The following PTPRD variants were observed in gnomAD, a reference collection of about 807,000 sequenced individuals.
The protein encoded by PTPRD is receptor-type tyrosine-protein phosphatase delta.
A neutral mutation model predicts 214.5 loss-of-function variants in PTPRD; 34 were observed. The ratio of observed to expected loss-of-function variants is 0.16; its 90% confidence interval spans 0.12 to 0.21. The LOEUF (loss-of-function observed/expected upper bound fraction) is 0.21. Among genes scored for constraint, PTPRD ranks in the 10% least tolerant of loss-of-function variants. The probability of loss-of-function intolerance (pLI) is 1.00; values close to 1 mark genes in which losing one functional copy is unlikely to be tolerated. For synonymous variants in PTPRD, 1,128 were observed against 845.7 expected (o/e 1.33, Z -5.79); for missense variants, 2,545 against 2,398.7 (o/e 1.06, Z -1.27).
chr9:10,011,175 C>A (rs2096591780), intron 4 of PTPRD, among the ~76,000 whole-genome samples: 1 of 151,870 alleles, frequency 6.6e-6, no homozygotes, highest in Admixed American at 6.6e-5. Flanking sequence ...GACTATTTTT[C>A]TTGGATTGGA....
chr9:8,914,845 G>A (rs1207152400), intron 11 of PTPRD, among the ~76,000 whole-genome samples: 1 of 152,062 alleles, frequency 6.6e-6, no homozygotes, highest in Non-Finnish European at 1.5e-5. Flanking sequence ...ACATTTACTG[G>A]ATTTTATTAT....
chr9:9,284,389 T>C (rs192753796), intron 9 of PTPRD, among the ~76,000 whole-genome samples: 1 of 151,832 alleles, frequency 6.6e-6, no homozygotes, highest in East Asian at 2.0e-4. Flanking sequence ...GTTGTAAGTT[T>C]TATTCTTCCT....
chr9:8,556,421 A>T (rs963663614), intron 14 of PTPRD, among the ~76,000 whole-genome samples: 1 of 152,216 alleles, frequency 6.6e-6, no homozygotes, highest in Non-Finnish European at 1.5e-5. Context: ...TCTGTGGCCA[A>T]TCATGGACTT....
chr9:9,627,417 C>T (rs1455503720), intron 7 of PTPRD, among the ~76,000 whole-genome samples: 1 of 152,168 alleles, frequency 6.6e-6, no homozygotes, highest in Non-Finnish European at 1.5e-5. Flanking sequence ...TAATTTGTTA[C>T]TTTGCTCTGA....
intron 8 of PTPRD, among the ~76,000 whole-genome samples, chr9:9,407,289 T>G (rs1353116993): frequency 6.6e-6 from 1 of 151,786 alleles, no homozygotes; most frequent in African/African-American, 2.4e-5. Flanking sequence ...CATTGCTGTG[T>G]AGAATTCTAA....
At chr9:8,919,327 A>AG (rs1409881607) in intron 11 of PTPRD, among the ~76,000 whole-genome samples, 13 of 147,830 alleles carry the variant, frequency 8.8e-5, no homozygotes, top group African/African-American at 3.3e-4. Context: ...TGGGGGGTGG[A>AG]GGTGCAGTGA....
chr9:10,596,837 G>C (rs1007105961), intron 2 of PTPRD, among the ~76,000 whole-genome samples: 1 of 151,560 alleles, frequency 6.6e-6, no homozygotes, highest in African/African-American at 2.4e-5. Flanking sequence ...TATTAGAATA[G>C]CATTTTGTTA....
chr9:10,209,824 A>T (rs2154340632), intron 3 of PTPRD, among the ~76,000 whole-genome samples: 1 of 152,300 alleles, frequency 6.6e-6, no homozygotes, highest in Admixed American at 6.5e-5. Context: ...CAAAAAAGGG[A>T]AATTTTAAAA....
At chr9:8,431,525 A>G (rs1394102817) in intron 35 of PTPRD, among the ~76,000 whole-genome samples, 1 of 152,182 alleles carries the variant, frequency 6.6e-6, no homozygotes, top group Non-Finnish European at 1.5e-5. Flanking sequence ...TCTAGTCTAA[A>G]TAAGATTTGT....
At chr9:8,727,276 T>C (rs2098595265) in intron 12 of PTPRD, among the ~76,000 whole-genome samples, 1 of 152,224 alleles carries the variant, frequency 6.6e-6, no homozygotes. Context: ...GTACACGTGT[T>C]GATTTTGTGA....
At chr9:8,822,831 C>T (rs1256954221) in intron 11 of PTPRD, among the ~76,000 whole-genome samples, 1 of 152,010 alleles carries the variant, frequency 6.6e-6, no homozygotes, top group Non-Finnish European at 1.5e-5. Context: ...CCCAAAACCA[C>T]CAGTGCTGCA....
intron 34 of PTPRD, among the ~76,000 whole-genome samples, chr9:8,447,480 A>C (rs2095777641): frequency 6.6e-6 from 1 of 152,214 alleles, no homozygotes; most frequent in Non-Finnish European, 1.5e-5. Context: ...GGAAAATTAA[A>C]TTGCTAATAG....
chr9:8,436,449 G>C, intron 35 of PTPRD, 143 bp downstream of exon 35: 1 of 593,502 alleles, frequency 1.7e-6, no homozygotes, highest in Non-Finnish European at 2.8e-6. Context: ...CTTTTAAGTT[G>C]ACGGTTCATT....
At chr9:10,126,546 C>A (rs1224210938) in intron 3 of PTPRD, among the ~76,000 whole-genome samples, 1 of 151,824 alleles carries the variant, frequency 6.6e-6, no homozygotes, top group East Asian at 1.9e-4. Context: ...GATATTTGAC[C>A]ACATCAATGT....
intron 10 of PTPRD, among the ~76,000 whole-genome samples, chr9:9,124,051 A>G (rs998275431): frequency 1.3e-5 from 2 of 152,166 alleles, no homozygotes; most frequent in Non-Finnish European, 2.9e-5. Flanking sequence ...ACTGCCTAGG[A>G]AGTTAATACC....
At chr9:8,512,693 A>G (rs1174551045) in intron 21 of PTPRD, among the ~76,000 whole-genome samples, 4 of 151,986 alleles carry the variant, frequency 2.6e-5, no homozygotes, top group African/African-American at 9.6e-5. Flanking sequence ...GAAGGCATAT[A>G]CTGTTAAAGG....
chr9:8,516,319 A>T (rs1428381077), intron 21 of PTPRD, among the ~76,000 whole-genome samples: 4 of 152,208 alleles, frequency 2.6e-5, no homozygotes, highest in Non-Finnish European at 4.4e-5. Context: ...AGATATATGG[A>T]TAGTTTTTAA....
At chr9:9,136,073 G>C (rs1171024894) in intron 10 of PTPRD, among the ~76,000 whole-genome samples, 1 of 152,054 alleles carries the variant, frequency 6.6e-6, no homozygotes, top group African/African-American at 2.4e-5. Context: ...TTTTGCTAAT[G>C]AAATATCTCA....
At chr9:10,252,238 A>G (rs2092841428) in intron 3 of PTPRD, among the ~76,000 whole-genome samples, 2 of 152,340 alleles carry the variant, frequency 1.3e-5, no homozygotes, top group Non-Finnish European at 2.9e-5. Flanking sequence ...CACGATGGAC[A>G]TGAAATGGTG....
Sources: allele counts gnomAD v4.1 joint callset (sites outside exome capture counted in the v4.1 genomes callset), GRCh38; gene constraint gnomAD v4.1.1; transcripts MANE v1.5; gene names NCBI Gene and HGNC (gene_info 2026-07-23, HGNC 2026-07-21).